ARHGAP25: variants seen among roughly 807,000 people sequenced by gnomAD.
ARHGAP25 encodes the protein Rho GTPase activating protein 25.
In ARHGAP25, 34 loss-of-function variants were observed where a neutral mutation model predicts 71.0. That is an observed-to-expected ratio of 0.48 (90% CI 0.36 to 0.64). ARHGAP25 has a LOEUF of 0.64. ARHGAP25 is among the 30% of genes least tolerant of loss of function. The probability of loss-of-function intolerance (pLI) is 0.00; values close to 1 mark genes in which losing one functional copy is unlikely to be tolerated. For synonymous variants in ARHGAP25, 282 were observed against 296.5 expected (o/e 0.95, Z 0.50); for missense variants, 706 against 805.1 (o/e 0.88, Z 1.49).
chr2:68,757,021 G>T (rs1326837326), intron 1 of ARHGAP25, among the ~76,000 whole-genome samples: 1 of 152,040 alleles, frequency 6.6e-6, no homozygotes, highest in African/African-American at 2.4e-5. Flanking sequence ...TACAATAACT[G>T]AAATGAAAAT....
chr2:68,721,805 G>C (rs1187058674), intron 2 of ARHGAP25, among the ~76,000 whole-genome samples: 1 of 152,222 alleles, frequency 6.6e-6, no homozygotes, highest in Non-Finnish European at 1.5e-5. Context: ...GGTCGACAGA[G>C]GATTACAAAT....
At chr2:68,752,195 GC>G (rs1676218795) in intron 1 of ARHGAP25, among the ~76,000 whole-genome samples, 1 of 152,158 alleles carries the variant, frequency 6.6e-6, no homozygotes, top group Admixed American at 6.5e-5. Context: ...AGGGAATAAA[GC>G]TTGGGACTGC....
At chr2:68,775,549 C>G (rs1012668212) in intron 2 of ARHGAP25, 129 bp downstream of exon 2, 1 of 1,413,596 alleles carries the variant, frequency 7.1e-7, no homozygotes, top group African/African-American at 1.4e-5. Context: ...AAGGAAATTG[C>G]TTTTCCCTTT....
intron 1 of ARHGAP25, among the ~76,000 whole-genome samples, chr2:68,742,412 T>G (rs1473412898): frequency 6.6e-6 from 1 of 152,234 alleles, no homozygotes; most frequent in African/African-American, 2.4e-5. Flanking sequence ...AAAAGCTGGC[T>G]TTGGGGCCAG....
intron 1 of ARHGAP25, 104 bp downstream of exon 1, chr2:68,735,364 G>A (rs1332084952): frequency 2.3e-5 from 28 of 1,240,542 alleles, no homozygotes; most frequent in Admixed American, 5.5e-5. Flanking sequence ...AATGGATCTC[G>A]CAGCAAATCT....
chr2:68,774,292 C>T (rs191334235), intron 1 of ARHGAP25, among the ~76,000 whole-genome samples: 5 of 152,044 alleles, frequency 3.3e-5, no homozygotes, highest in African/African-American at 7.2e-5. Flanking sequence ...ATCGATGGAG[C>T]GCTGTGGAGG....
upstream of ARHGAP25, among the ~76,000 whole-genome samples, chr2:68,733,674 G>A (rs1305675610): frequency 2.0e-5 from 3 of 152,172 alleles, no homozygotes; most frequent in Non-Finnish European, 2.9e-5. Flanking sequence ...AGGGAAGCTT[G>A]TGGACATTCT....
chr2:68,744,963 A>T (rs927896957), intron 1 of ARHGAP25, among the ~76,000 whole-genome samples: 1 of 152,232 alleles, frequency 6.6e-6, no homozygotes, highest in African/African-American at 2.4e-5. Flanking sequence ...CAGATAAAAA[A>T]TAAGATTCCA....
chr2:68,815,425 A>G (rs906663690), intron 6 of ARHGAP25, among the ~76,000 whole-genome samples: 22 of 137,822 alleles, frequency 1.6e-4, no homozygotes, highest in African/African-American at 5.9e-4. Flanking sequence ...GCACACCGGC[A>G]TGTGAATTGT....
At chr2:68,727,321 G>T (rs550260916) in intron 2 of ARHGAP25, among the ~76,000 whole-genome samples, 1 of 152,262 alleles carries the variant, frequency 6.6e-6, no homozygotes, top group Non-Finnish European at 1.5e-5. Context: ...CTCACTTTTG[G>T]TTAAGATGTG....
Position 68,819,238 on chromosome 2 carries a change from A to C in ARHGAP25, c.1119A>C (p.Lys373Asn). ...SPPAQKNDPKKAPVARSSVGW... is the reference protein window; with the variant it reads ...SPPAQKNDPKNAPVARSSVGW... Reference sequence around the variant, plus strand: ...CTGCCCAGAAAAATGACCCCAAGAAAGCTCCAGTGGCCCGAAGCTCTGTAG... The same window carrying C: ...CTGCCCAGAAAAATGACCCCAAGAACGCTCCAGTGGCCCGAAGCTCTGTAG... The change falls in exon 9 of 11, where the codon AAA becomes AAC. Residue 373 changes from lysine to asparagine, a missense_variant. Lys to Asn is a moderately conservative substitution (Grantham distance 94). Transcript: ENST00000409202. 6.2e-7 allele frequency: 1 copy of C among 1,614,186 alleles called. No homozygotes were observed.
At chr2:68,769,930 A>C (rs1677376655) in intron 1 of ARHGAP25, among the ~76,000 whole-genome samples, 1 of 152,246 alleles carries the variant, frequency 6.6e-6, no homozygotes, top group Admixed American at 6.5e-5. Flanking sequence ...ATGGCAGTTT[A>C]GACTTCATCG....
At chr2:68,808,599 A>T (rs563178351) in intron 5 of ARHGAP25, among the ~76,000 whole-genome samples, 9 of 152,280 alleles carry the variant, frequency 5.9e-5, no homozygotes, top group Non-Finnish European at 1.2e-4. Flanking sequence ...TGGGGTTCTT[A>T]TTGGAACAAT....
chr2:68,761,714 A>AT (rs1327079810), intron 1 of ARHGAP25, among the ~76,000 whole-genome samples: 1 of 152,190 alleles, frequency 6.6e-6, no homozygotes, highest in Non-Finnish European at 1.5e-5. Flanking sequence ...GATGGCTGCT[A>AT]TTAAAAAACT....
chr2:68,754,719 G>A (rs1412551280), intron 1 of ARHGAP25, among the ~76,000 whole-genome samples: 1 of 152,014 alleles, frequency 6.6e-6, no homozygotes, highest in Admixed American at 6.5e-5. Flanking sequence ...AGAAATTCTG[G>A]CTGTTTCTAA....
chr2:68,771,247 A>C (rs1471660271), intron 1 of ARHGAP25, among the ~76,000 whole-genome samples: 2 of 152,132 alleles, frequency 1.3e-5, no homozygotes, highest in Non-Finnish European at 2.9e-5. Flanking sequence ...GGTGTTCTGT[A>C]AACACTGAGC....
intron 2 of ARHGAP25, among the ~76,000 whole-genome samples, chr2:68,776,347 C>G (rs1342490114): frequency 1.3e-5 from 2 of 152,054 alleles, no homozygotes; most frequent in African/African-American, 4.8e-5. Context: ...GGGCTCTGAG[C>G]AGAGAGTGAC....
In ARHGAP25 at chr2:68,826,322, A is replaced by G; in HGVS notation, c.*128A>G. 1.1e-6 allele frequency: 1 copy of G among 888,456 alleles called. No homozygotes were observed. Among genetic ancestry groups the G allele is most frequent in the East Asian group, 2.6e-5 (1 of 38,360 alleles). The allele number at this position is 888,456 out of a possible 1,614,324, so 55.0% of individuals were successfully genotyped here. ...AAAGGACATTTGAGGGAAACATCAAATTTCCCCATAAATAAATGAATGGAG... is the reference window on the plus strand; with the variant it reads ...AAAGGACATTTGAGGGAAACATCAAGTTTCCCCATAAATAAATGAATGGAG... On this transcript the variant is annotated 3_prime_UTR_variant, in exon 11 of 11. Transcript: ENST00000409202.
At chr2:68,817,720 G>A (rs1465320318) in intron 7 of ARHGAP25, among the ~76,000 whole-genome samples, 153 bp from the exon 8 acceptor site, 1 of 152,194 alleles carries the variant, frequency 6.6e-6, no homozygotes. Context: ...CTTTCAGGAT[G>A]AGGCTAAATT....
Sources: gnomAD v4.1 joint callset for allele counts (sites outside exome capture counted in the v4.1 genomes callset) on GRCh38, gnomAD v4.1.1 for gene constraint, MANE v1.5 for transcripts, NCBI Gene and HGNC (gene_info 2026-07-23, HGNC 2026-07-21) for gene names.